The following TMEM260 variants were observed in gnomAD, a reference collection of about 807,000 sequenced individuals.
The protein encoded by TMEM260 is transmembrane protein 260.
Under a neutral mutation model 88.9 loss-of-function variants are expected in TMEM260, and 82 were observed. The observed-to-expected ratio is 0.92, with a 90% CI of 0.77 to 1.11. TMEM260 has a LOEUF of 1.11. TMEM260 is among the 50% of genes least tolerant of loss of function. TMEM260 has a pLI of 0.00. For synonymous variants in TMEM260, 314 were observed against 309.3 expected (o/e 1.02, Z -0.16); for missense variants, 902 against 853.4 (o/e 1.06, Z -0.71).
rs1890073895 is a variant in TMEM260, at chr14:56,648,017, C to T, written c.*520C>T. On this transcript the variant is annotated 3_prime_UTR_variant, in exon 16 of 16. Coordinates refer to ENST00000261556, the MANE Select transcript of TMEM260 (RefSeq NM_017799.4). ...ATAGTCTTACACTTCAAGCTAAACA[C>T]CAAATGGGTGATATTTTGAAAAAAG... The T allele has an allele frequency of 6.6e-6, 1 of 151,780 alleles. No individual in the cohort carries two copies. The highest frequency in any genetic ancestry group is 2.1e-4 in the South Asian group (1 of 4,818). 9.4% of individuals were successfully genotyped at this position (151,780 alleles called of 1,614,324 possible).
chr14:56,628,942 CAGG>C (rs1343522247), intron 12 of TMEM260, among the ~76,000 whole-genome samples: 1 of 151,222 alleles, frequency 6.6e-6, no homozygotes, highest in African/African-American at 2.4e-5. Context: ...GTCACCCAGG[CAGG>C]AGTACAGTGG....
At chr14:56,616,787 T>A (rs1420630088) in intron 8 of TMEM260, among the ~76,000 whole-genome samples, 1 of 152,100 alleles carries the variant, frequency 6.6e-6, no homozygotes, top group Non-Finnish European at 1.5e-5. Flanking sequence ...TATTATCAAA[T>A]TAAATTTTCT....
intron 11 of TMEM260, among the ~76,000 whole-genome samples, chr14:56,624,078 A>G (rs1716321248): frequency 6.6e-6 from 1 of 152,246 alleles, no homozygotes; most frequent in South Asian, 2.1e-4. Context: ...AGGGCTACTA[A>G]TAAATTCAGA....
downstream of TMEM260, among the ~76,000 whole-genome samples, chr14:56,653,308 CATGTGTGTATAACATATATGTCATAT>C (rs1890238825): frequency 6.6e-6 from 1 of 152,066 alleles, no homozygotes; most frequent in African/African-American, 2.4e-5. Flanking sequence ...TGCACATATG[CATGTGTGTATAACATATATGTCATAT>C]ATGTGTGTAT....
the TMEM260 span, among the ~76,000 whole-genome samples, chr14:56,658,425 T>C: frequency 6.6e-6 from 1 of 151,956 alleles, no homozygotes; most frequent in East Asian, 1.9e-4. Context: ...TTTTGTATTT[T>C]TTGTAGAGAC....
chr14:56,588,723 G>A (rs984329689), intron 3 of TMEM260, among the ~76,000 whole-genome samples: 1 of 137,226 alleles, frequency 7.3e-6, no homozygotes, highest in Admixed American at 7.5e-5. Flanking sequence ...TTTATGTATT[G>A]TCCCCTTAAG....
In TMEM260 at chr14:56,617,189, A is replaced by G; in HGVS notation, c.948A>G (p.Arg316=). ...CANICLATKD[R]QNPSLVWLFT... is the part of the protein sequence containing the mutation. ...TTTTTATTATTTTTTGTAGGGACAG[A>G]CAGAATCCATCATTAGTATGGCTTT... The change falls in exon 9 of 16, where the codon AGA becomes AGG. Residue 316 remains arginine, a synonymous_variant. Coordinates refer to ENST00000261556, the MANE Select transcript of TMEM260 (RefSeq NM_017799.4). The G allele has an allele frequency of 6.3e-7, 1 of 1,583,822 alleles. No individual in the cohort carries two copies. The highest frequency in any genetic ancestry group is 1.2e-5 in the South Asian group (1 of 86,080).
intron 6 of TMEM260, 37 bp from the exon 7 acceptor site, chr14:56,612,208 A>T: frequency 6.3e-7 from 1 of 1,584,542 alleles, no homozygotes; most frequent in Non-Finnish European, 8.7e-7. Context: ...CGTCAGTTTA[A>T]TGCTTGTGCA....
chr14:56,614,781 TC>T (rs2139582155), intron 7 of TMEM260, among the ~76,000 whole-genome samples: 1 of 152,300 alleles, frequency 6.6e-6, no homozygotes, highest in South Asian at 2.1e-4. Flanking sequence ...ATCTTAGCAC[TC>T]CCTGAATGAG....
chr14:56,629,338 T>C (rs1365701216), intron 12 of TMEM260, among the ~76,000 whole-genome samples: 1 of 151,496 alleles, frequency 6.6e-6, no homozygotes, highest in Non-Finnish European at 1.5e-5. Flanking sequence ...TTTCATGGTA[T>C]ACTTAGGAGT....
chr14:56,627,933 G>A (rs1031017882), intron 12 of TMEM260, among the ~76,000 whole-genome samples: 3 of 152,094 alleles, frequency 2.0e-5, no homozygotes, highest in Admixed American at 6.6e-5. Flanking sequence ...GCCTAACCCT[G>A]GCAACCACTG....
chr14:56,633,183 A>G lies in TMEM260; in HGVS notation c.1724+12A>G. 1.2e-6 allele frequency: 2 copies of G among 1,601,394 alleles called. No individual in the cohort carries two copies. Among genetic ancestry groups the G allele is most frequent in the African/African-American group, 1.3e-5 (1 of 74,628 alleles). On this transcript the variant is annotated intron_variant, in intron 13 of 15. Transcript: ENST00000261556. ...GAAGAATATGGAAGGTATGAACAGC[A>G]GTTGTATTTTGATGCATATAAACAT...
Position 56,593,750 on chromosome 14 carries a change from G to C in TMEM260, c.344+7838G>C, listed in dbSNP as rs1886025646. 2.9e-5 allele frequency among the ~76,000 whole-genome samples: 4 copies of C among 140,294 alleles called. No individual in the cohort carries two copies. In the South Asian group the frequency reaches 9.6e-4, roughly 33 times the overall value. The allele number at this position is 140,294 out of a possible 152,430, so 92.0% of individuals were successfully genotyped here. ...TCGCCCAGGCTGGAGTGCAGTGGCGGAATCTCGGCTCACTGCAAGCTCCGC... is the reference window on the plus strand; with the variant it reads ...TCGCCCAGGCTGGAGTGCAGTGGCGCAATCTCGGCTCACTGCAAGCTCCGC... On this transcript the variant is annotated intron_variant, in intron 3 of 15. Coordinates refer to ENST00000261556, the MANE Select transcript of TMEM260 (RefSeq NM_017799.4).
At chr14:56,634,603 G>A (rs554487409) in intron 13 of TMEM260, among the ~76,000 whole-genome samples, 2 of 152,252 alleles carry the variant, frequency 1.3e-5, no homozygotes, top group South Asian at 4.1e-4. Context: ...AGTATTTTGG[G>A]AGGCTAAAGC....
rs771995331 is a variant in TMEM260 at position 56,605,687 on chromosome 14, C to G, written c.636+4C>G. On this transcript the variant is annotated splice_donor_region_variant and intron_variant, in intron 5 of 15. Coordinates refer to ENST00000261556, the MANE Select transcript of TMEM260 (RefSeq NM_017799.4). ...CTTTCAACTTTTAAAAAAGAAGGTA[C>G]GTTTTTGAATTTTGTAAAAAAAAGT... The G allele has an allele frequency of 6.7e-7, 1 of 1,502,462 alleles. No homozygotes were observed. Among genetic ancestry groups the G allele is most frequent in the Admixed American group, 2.0e-5 (1 of 49,710 alleles). 93.1% of individuals were successfully genotyped at this position (1,502,462 alleles called of 1,614,324 possible). A position where few individuals can be genotyped will look rare whatever the true frequency, so the allele number is the denominator to read the frequency against.
chr14:56,641,071 A>G (rs972380899), intron 15 of TMEM260, among the ~76,000 whole-genome samples: 3 of 151,698 alleles, frequency 2.0e-5, no homozygotes, highest in African/African-American at 2.4e-5. Context: ...GAAGAATGGA[A>G]CCAAGTTGGA....
chr14:56,647,215 G>A (rs767642489), intron 15 of TMEM260, 28 bp from the exon 16 acceptor site: 26 of 1,564,900 alleles, frequency 1.7e-5, no homozygotes, highest in Non-Finnish European at 2.2e-5. Flanking sequence ...AATAACAATG[G>A]AATACCAACA....
chr14:56,621,316 T>C (rs1009251457), intron 10 of TMEM260, among the ~76,000 whole-genome samples: 1 of 150,656 alleles, frequency 6.6e-6, no homozygotes, highest in African/African-American at 2.5e-5. Flanking sequence ...ACTCCAGAAG[T>C]AAGCAGTAGA....
rs1404261963 is a variant in TMEM260, at chr14:56,625,529, CAGTA to C, written c.1547+2_1547+5del. The C allele has an allele frequency of 2.8e-5, 44 of 1,580,994 alleles. No individual in the cohort carries two copies. The highest frequency in any genetic ancestry group is 3.4e-5 in the Non-Finnish European group (39 of 1,157,066). On this transcript the variant is annotated splice_donor_variant and splice_donor_region_variant and coding_sequence_variant and intron_variant, in exon 12 of 16. Transcript: ENST00000261556. LOFTEE classifies it high-confidence loss of function. ...TTATCATTTTCTTGAAGTAAATAAA[CAGTA>C]AGCATTCTTTTTATATAATAGCTTT...
Sources: gnomAD v4.1 joint callset for allele counts (sites outside exome capture counted in the v4.1 genomes callset) on GRCh38, gnomAD v4.1.1 for gene constraint, MANE v1.5 for transcripts, NCBI Gene and HGNC (gene_info 2026-07-23, HGNC 2026-07-21) for gene names.